Variants in RABGAP1L observed in about 807,000 individuals in gnomAD.
The protein encoded by RABGAP1L is RAB GTPase activating protein 1 like.
In RABGAP1L, 63 loss-of-function variants were observed where a neutral mutation model predicts 137.7. That is an observed-to-expected ratio of 0.46 (90% CI 0.37 to 0.56). The LOEUF (loss-of-function observed/expected upper bound fraction) is 0.56. Among genes scored for constraint, RABGAP1L ranks in the 20% least tolerant of loss-of-function variants. The pLI is 0.00. For synonymous variants in RABGAP1L, 431 were observed against 433.7 expected, an observed-to-expected ratio of 0.99 and a Z score of 0.08; for missense variants, 1,095 against 1,244.0, an observed-to-expected ratio of 0.88 and a Z score of 1.80.
intron 13 of RABGAP1L, among the ~76,000 whole-genome samples, chr1:174,400,223 CT>C (rs1313524988): frequency 2.0e-5 from 3 of 152,106 alleles, no homozygotes; most frequent in Non-Finnish European, 2.9e-5. Context: ...TACTCTCTAT[CT>C]TTTATACCTT....
chr1:174,965,386 T>C (rs1669525616), intron 20 of RABGAP1L, among the ~76,000 whole-genome samples: 2 of 152,244 alleles, frequency 1.3e-5, no homozygotes. Context: ...CTGTCTTCCA[T>C]GGGCAACCCT....
At chr1:174,878,046 A>G (rs1040333632) in intron 19 of RABGAP1L, among the ~76,000 whole-genome samples, 6 of 152,318 alleles carry the variant, frequency 3.9e-5, no homozygotes, top group African/African-American at 1.4e-4. Context: ...AAATAACAGT[A>G]CAATTTTAGT....
intron 13 of RABGAP1L, among the ~76,000 whole-genome samples, chr1:174,531,311 T>A (rs1216687414): frequency 1.3e-5 from 2 of 152,174 alleles, no homozygotes; most frequent in African/African-American, 4.8e-5. Flanking sequence ...GAAAAATTAT[T>A]TGTGCTATAT....
intron 4 of RABGAP1L, among the ~76,000 whole-genome samples, chr1:174,231,744 C>A (rs1223078918): frequency 1.3e-5 from 2 of 152,016 alleles, no homozygotes; most frequent in Admixed American, 1.3e-4. Flanking sequence ...TCTTACGTGG[C>A]AGGAGCAGGA....
At chr1:174,564,356 T>C (rs991060375) in intron 13 of RABGAP1L, among the ~76,000 whole-genome samples, 22 of 152,212 alleles carry the variant, frequency 1.4e-4, no homozygotes, top group African/African-American at 5.1e-4. Flanking sequence ...AACTCCTTTG[T>C]ATGCAGTTAA....
intron 11 of RABGAP1L, among the ~76,000 whole-genome samples, chr1:174,336,874 TGTGTGTGTGTGA>T (rs1681520563): frequency 7.0e-6 from 1 of 142,808 alleles, no homozygotes; most frequent in African/African-American, 2.8e-5. Flanking sequence ...TGTGTGTGTG[TGTGTGTGTGTGA>T]GAGAGAGAGA....
intron 18 of RABGAP1L, among the ~76,000 whole-genome samples, chr1:174,808,046 C>T (rs1161059961): frequency 2.7e-5 from 4 of 149,204 alleles, no homozygotes; most frequent in Admixed American, 6.7e-5. Context: ...TGCAGTGGCG[C>T]GATCTCGGCC....
intron 13 of RABGAP1L, among the ~76,000 whole-genome samples, chr1:174,499,718 T>G (rs879564359): frequency 1.3e-5 from 2 of 152,184 alleles, no homozygotes; most frequent in Admixed American, 1.3e-4. Flanking sequence ...TGGCACTTAT[T>G]GAGGGTTGGT....
intron 18 of RABGAP1L, among the ~76,000 whole-genome samples, chr1:174,764,862 AG>A (rs1347447456): frequency 1.3e-5 from 2 of 152,190 alleles, no homozygotes; most frequent in Non-Finnish European, 2.9e-5. Context: ...CAGGGGAGCT[AG>A]GGGGCACCCC....
intron 18 of RABGAP1L, among the ~76,000 whole-genome samples, chr1:174,765,772 T>C (rs1558057192): frequency 6.6e-6 from 1 of 152,212 alleles, no homozygotes; most frequent in Non-Finnish European, 1.5e-5. Context: ...ATTTATTTTT[T>C]CTTTAGTTGT....
At chr1:174,532,567 A>G (rs567109630) in intron 13 of RABGAP1L, among the ~76,000 whole-genome samples, 2 of 152,292 alleles carry the variant, frequency 1.3e-5, no homozygotes, top group Admixed American at 6.5e-5. Context: ...CATTCAGGGA[A>G]GATTCATAAA....
In RABGAP1L at chr1:174,833,466, A is replaced by ATATATAAT. The variant is rs71117580; in HGVS notation, c.2340+21508_2340+21509insTATAATTA. The stretch of plus-strand genomic sequence containing the variant: ...TGTGTAGAGATATATATATATATAT[A>ATATATAAT]TAGTAGAGACAGGGTTCTGTCATGT... On this transcript the variant is annotated intron_variant, in intron 19 of 25. Coordinates refer to ENST00000681986, the MANE Select transcript of RABGAP1L (RefSeq NM_001366446.1). Among the ~76,000 whole-genome samples the ATATATAAT allele has an allele frequency of 6.5e-5, 4 of 61,120 alleles. 2 individuals are homozygous for ATATATAAT. The highest frequency in any genetic ancestry group is 1.6e-4 in the Non-Finnish European group (4 of 24,664). 40.1% of individuals were successfully genotyped at this position (61,120 alleles called of 152,430 possible).
chr1:174,478,613 T>G (rs1658757712), intron 13 of RABGAP1L, among the ~76,000 whole-genome samples: 1 of 152,104 alleles, frequency 6.6e-6, no homozygotes, highest in Non-Finnish European at 1.5e-5. Flanking sequence ...GTCTTTTTAT[T>G]AAATACGAAA....
intron 18 of RABGAP1L, among the ~76,000 whole-genome samples, chr1:174,789,605 C>A (rs1687705344): frequency 6.6e-6 from 1 of 151,954 alleles, no homozygotes; most frequent in Non-Finnish European, 1.5e-5. Flanking sequence ...CTCAGCAAAC[C>A]CACAAGTTAC....
intron 11 of RABGAP1L, among the ~76,000 whole-genome samples, chr1:174,341,468 T>C (rs1681965517): frequency 6.6e-6 from 1 of 152,182 alleles, no homozygotes; most frequent in Non-Finnish European, 1.5e-5. Flanking sequence ...TAGGAGAGAA[T>C]ATTAGAAGTA....
chr1:174,909,740 C>CT (rs1159476351), intron 19 of RABGAP1L, among the ~76,000 whole-genome samples: 1 of 152,176 alleles, frequency 6.6e-6, no homozygotes, highest in African/African-American at 2.4e-5. Flanking sequence ...TCGTTAGAGA[C>CT]TGTTATGAAC....
At position 174,988,758 on chromosome 1, in the gene RABGAP1L, C is replaced by T; in HGVS notation, c.2923C>T (p.Leu975Phe). ...GIETDDEKDS[L>F]KKQLREMELE... is the part of the protein sequence containing the mutation. Reference sequence around the variant, plus strand: ...TGAAACAGATGATGAGAAGGACTCACTTAAGAAGCAGCTGAGAGAGATGGA... The same window carrying T: ...TGAAACAGATGATGAGAAGGACTCATTTAAGAAGCAGCTGAGAGAGATGGA... The change falls in exon 25 of 26, where the codon CTT (leucine) becomes TTT (phenylalanine). Residue 975 changes from leucine to phenylalanine, a missense_variant. By Grantham distance (22) the Leu-to-Phe change is conservative (BLOSUM62 0). Around this residue, in one of 4 missense-constraint regions of RABGAP1L, gnomAD observed 312 missense variants for 435.6 expected, o/e 0.72. Transcript: ENST00000681986. 1 of 1,550,114 alleles carries T rather than the reference C, an allele frequency of 6.5e-7. No individual in the cohort carries two copies. Among genetic ancestry groups the T allele is most frequent in the Non-Finnish European group, 8.7e-7 (1 of 1,146,742 alleles).
chr1:174,833,414 G>GTGTATATATATA lies in RABGAP1L; in HGVS notation c.2340+21457_2340+21458insATATATATATGT, dbSNP rs1413026281. Reference sequence around the variant, plus strand: ...TGTGTGTGTGTGTATGTGTGTATGTGTGTGTGTGTATATATATATGTGTGT... The same window carrying GTGTATATATATA: ...TGTGTGTGTGTGTATGTGTGTATGTGTGTATATATATATGTGTGTGTATATATATATGTGTGT... On this transcript the variant is annotated intron_variant, in intron 19 of 25. Transcript: ENST00000681986. 4.4e-3 allele frequency among the ~76,000 whole-genome samples: 425 copies of GTGTATATATATA among 97,052 alleles called. 22 individuals carry two copies. The highest frequency in any genetic ancestry group is 0.027 in the Middle Eastern group (5 of 182). 63.7% of individuals were successfully genotyped at this position (97,052 alleles called of 152,430 possible).
intron 17 of RABGAP1L, among the ~76,000 whole-genome samples, chr1:174,735,850 ACCACCAGAG>A: frequency 6.6e-6 from 1 of 152,174 alleles, no homozygotes; most frequent in East Asian, 1.9e-4. Context: ...TCTCATGTGA[ACCACCAGAG>A]CCAGAATTCA....
Sources: gnomAD v4.1 joint callset for allele counts (sites outside exome capture counted in the v4.1 genomes callset) on GRCh38, gnomAD v4.1.1 for gene constraint, gnomAD v4.1.1 regional missense constraint, MANE v1.5 for transcripts, NCBI Gene and HGNC (gene_info 2026-07-23, HGNC 2026-07-21) for gene names.